MEF2A: variants seen among roughly 807,000 people sequenced by gnomAD.
The protein encoded by MEF2A is myocyte enhancer factor 2A.
In MEF2A, 28 loss-of-function variants were observed where a neutral mutation model predicts 55.8. That is an observed-to-expected ratio of 0.50 (90% CI 0.37 to 0.69). The LOEUF (loss-of-function observed/expected upper bound fraction) is 0.69. MEF2A is among the 30% of genes least tolerant of loss of function. MEF2A has a pLI of 0.00. For missense variants in MEF2A, 528 were observed against 626.2 expected (o/e 0.84, Z 1.67); for synonymous variants, 239 against 227.1 (o/e 1.05, Z -0.47).
intron 2 of MEF2A, among the ~76,000 whole-genome samples, chr15:99,606,564 G>T (rs193104241): frequency 1.3e-5 from 2 of 151,966 alleles, no homozygotes; most frequent in African/African-American, 2.4e-5. Flanking sequence ...AGAAAAATGG[G>T]CAAGAGACAT....
At chr15:99,601,846 T>A (rs911656467) in intron 2 of MEF2A, among the ~76,000 whole-genome samples, 4 of 100,164 alleles carry the variant, frequency 4.0e-5, no homozygotes, top group African/African-American at 1.0e-4. Flanking sequence ...TGTGTGTGTG[T>A]GTGTGTGTGT....
intron 1 of MEF2A, among the ~76,000 whole-genome samples, chr15:99,579,769 T>G (rs1965383056): frequency 6.6e-6 from 1 of 152,188 alleles, no homozygotes; most frequent in South Asian, 2.1e-4. Context: ...CAGTATAGAG[T>G]AGTCCTGTTA....
At chr15:99,661,059 A>G (rs1325888693) in intron 4 of MEF2A, among the ~76,000 whole-genome samples, 2 of 152,178 alleles carry the variant, frequency 1.3e-5, no homozygotes, top group Non-Finnish European at 2.9e-5. Flanking sequence ...CAAACGTACC[A>G]ATGGAATAAT....
intron 11 of MEF2A, among the ~76,000 whole-genome samples, chr15:99,711,722 T>C (rs776804046): frequency 6.6e-5 from 10 of 152,240 alleles, no homozygotes; most frequent in Non-Finnish European, 1.5e-4. Flanking sequence ...TTGTCAGTGG[T>C]CTTCTTAGGA....
chr15:99,596,213 A>G (rs772658825), intron 1 of MEF2A, among the ~76,000 whole-genome samples: 2 of 152,198 alleles, frequency 1.3e-5, no homozygotes, highest in Non-Finnish European at 2.9e-5. Context: ...ATGTGTAACT[A>G]TCAAATTTGT....
Position 99,706,845 on chromosome 15 carries a change from C to T in MEF2A, c.999C>T (p.Ala333=). ...TTGTGTACTCAGCAATGCCGACTGCCTACAACACTGGTGAGCCTGCTCTGG... is the reference window on the plus strand; with the variant it reads ...TTGTGTACTCAGCAATGCCGACTGCTTACAACACTGGTGAGCCTGCTCTGG... The part of the protein sequence containing the change: ...QGLVYSAMPT[A]YNTDYSLTSA... The change falls in exon 10 of 12, where the codon GCC becomes GCT. Residue 333 remains alanine (A), a synonymous_variant. Transcript: ENST00000557942. 6.2e-7 allele frequency: 1 copy of T among 1,614,024 alleles called. No homozygotes were observed. Among genetic ancestry groups the T allele is most frequent in the South Asian group, 1.1e-5 (1 of 91,076 alleles).
At chr15:99,620,487 G>T (rs937620038) in intron 2 of MEF2A, among the ~76,000 whole-genome samples, 2 of 152,174 alleles carry the variant, frequency 1.3e-5, no homozygotes, top group Non-Finnish European at 2.9e-5. Context: ...ATGGCCTCCA[G>T]CTGCCTCCGT....
At chr15:99,629,931 C>A (rs568773972) in intron 2 of MEF2A, among the ~76,000 whole-genome samples, 4 of 151,644 alleles carry the variant, frequency 2.6e-5, no homozygotes, top group African/African-American at 9.7e-5. Context: ...CAGAGCAAGT[C>A]TCTGTCTCAA....
chr15:99,679,782 T>C (rs2052863298), intron 7 of MEF2A, among the ~76,000 whole-genome samples: 1 of 152,188 alleles, frequency 6.6e-6, no homozygotes, highest in Non-Finnish European at 1.5e-5. Flanking sequence ...AAAACAGTTT[T>C]GAAAATAAAA....
chr15:99,669,536 C>T (rs1218089004), intron 4 of MEF2A, among the ~76,000 whole-genome samples: 1 of 152,156 alleles, frequency 6.6e-6, no homozygotes, highest in African/African-American at 2.4e-5. Context: ...ACATAAAAGT[C>T]CATGTGATTA....
intron 4 of MEF2A, among the ~76,000 whole-genome samples, chr15:99,671,020 C>A (rs995423886): frequency 6.6e-6 from 1 of 152,122 alleles, no homozygotes; most frequent in African/African-American, 2.4e-5. Context: ...ATTGATCAGG[C>A]TTTAATCAGA....
At chr15:99,649,605 T>G (rs2046517029) in intron 4 of MEF2A, among the ~76,000 whole-genome samples, 1 of 152,178 alleles carries the variant, frequency 6.6e-6, no homozygotes, top group South Asian at 2.1e-4. Context: ...CCTTAGTTTT[T>G]CTTTTCAGTA....
intron 2 of MEF2A, among the ~76,000 whole-genome samples, chr15:99,627,255 A>G (rs2042184927): frequency 6.6e-6 from 1 of 151,918 alleles, no homozygotes; most frequent in Non-Finnish European, 1.5e-5. Flanking sequence ...CCCCGCCTCT[A>G]CTAAAAATAC....
At chr15:99,592,848 G>T (rs62040136) in intron 1 of MEF2A, among the ~76,000 whole-genome samples, 2 of 152,046 alleles carry the variant, frequency 1.3e-5, no homozygotes, top group East Asian at 1.9e-4. Context: ...CCAACATTAG[G>T]GGTTACATTT....
At chr15:99,618,611 T>C (rs1482358639) in intron 2 of MEF2A, among the ~76,000 whole-genome samples, 6 of 152,210 alleles carry the variant, frequency 3.9e-5, no homozygotes, top group African/African-American at 9.6e-5. Flanking sequence ...GGGCGTGATA[T>C]ATGCAACTTA....
Position 99,671,421 on chromosome 15 carries a change from T to C in MEF2A, c.357T>C (p.Asn119=), listed in dbSNP as rs755087220. ...PLSEDRFSKL[N]EDSDFIFKRG... ...CGGAGGACAGATTCAGCAAACTAAA[T>C]GAAGATAGTGATTTTATTTTCAAAC... The change falls in exon 5 of 12, where the codon AAT becomes AAC. Residue 119 remains asparagine (N), a synonymous_variant. Coordinates refer to ENST00000557942, the MANE Select transcript of MEF2A (RefSeq NM_001319206.4). 66 of 1,613,860 alleles carry C rather than the reference T, an allele frequency of 4.1e-5. 1 individual carries two copies. In the East Asian group the frequency reaches 1.5e-3, roughly 36 times the overall value.
intron 1 of MEF2A, among the ~76,000 whole-genome samples, chr15:99,590,744 T>G (rs990773217): frequency 6.6e-6 from 1 of 152,062 alleles, no homozygotes; most frequent in African/African-American, 2.4e-5. Flanking sequence ...TGTAAGATCC[T>G]TACTGTAGTG....
In MEF2A at chr15:99,674,611, A is replaced by T. The variant is rs763057551; in HGVS notation, c.609A>T (p.Ala203=). The change falls in exon 6 of 12, where the codon GCA becomes GCT. Residue 203 remains alanine, a splice_region_variant and synonymous_variant. Transcript: ENST00000557942. ...AGAGACCACCAAGTACTGGCAATGCAGGTATGTAGTGATACCTATTATGCT... is the reference window on the plus strand; with the variant it reads ...AGAGACCACCAAGTACTGGCAATGCTGGTATGTAGTGATACCTATTATGCT... The part of the protein sequence containing the change: ...APQRPPSTGN[A]GGMLSTTDLT... 1.2e-6 allele frequency: 2 copies of T among 1,610,424 alleles called. No individual in the cohort carries two copies. Among genetic ancestry groups the T allele is most frequent in the Non-Finnish European group, 1.7e-6 (2 of 1,176,658 alleles).
chr15:99,590,777 AT>A (rs1969002648), intron 1 of MEF2A, among the ~76,000 whole-genome samples: 1 of 151,534 alleles, frequency 6.6e-6, no homozygotes, highest in Non-Finnish European at 1.5e-5. Flanking sequence ...CCTTCCCTTC[AT>A]TCTTTTTGCT....
Sources: gnomAD v4.1 joint callset for allele counts (sites outside exome capture counted in the v4.1 genomes callset) on GRCh38, gnomAD v4.1.1 for gene constraint, MANE v1.5 for transcripts, NCBI Gene and HGNC (gene_info 2026-07-23, HGNC 2026-07-21) for gene names.